The following YAE1 variants were observed in gnomAD, a reference collection of about 807,000 sequenced individuals.
YAE1 encodes protein YAE1 homolog.
In YAE1, 22 loss-of-function variants were observed where a neutral mutation model predicts 23.0. That is an observed-to-expected ratio of 0.96 (90% CI 0.68 to 1.37). The LOEUF is 1.37. Among genes scored for constraint, YAE1 ranks in the 40% most tolerant of loss-of-function variants. The pLI, the probability that YAE1 is intolerant of heterozygous loss-of-function variation, is 0.00. For missense variants in YAE1, 260 were observed against 262.1 expected, an observed-to-expected ratio of 0.99 and a Z score of 0.06; for synonymous variants, 101 against 97.0, an observed-to-expected ratio of 1.04 and a Z score of -0.24.
intron 2 of YAE1, among the ~76,000 whole-genome samples, chr7:39,604,746 C>G (rs1791104534): frequency 6.6e-6 from 1 of 152,060 alleles, no homozygotes; most frequent in African/African-American, 2.4e-5. Flanking sequence ...GTTGATTTTT[C>G]CCTAGTATAA....
At chr7:39,611,186 G>A (rs184008412), downstream of YAE1, among the ~76,000 whole-genome samples, 2 of 152,168 alleles carry the variant, frequency 1.3e-5, no homozygotes, top group East Asian at 3.9e-4. Flanking sequence ...CATTGGCTGT[G>A]GTTATGACAA....
intron 1 of YAE1, chr7:39,570,041 G>A: frequency 7.4e-7 from 1 of 1,354,058 alleles, no homozygotes. Flanking sequence ...GCACCACGGG[G>A]CATAAAATTG....
At chr7:39,570,836 C>T (rs1006176314) in intron 2 of YAE1, 1 of 519,384 alleles carries the variant, frequency 1.9e-6, no homozygotes, top group East Asian at 3.8e-5. Context: ...ATTGTCTTTT[C>T]GTGCAAAGAA....
chr7:39,608,769 C>T (rs1791164672), intron 2 of YAE1, among the ~76,000 whole-genome samples: 1 of 152,156 alleles, frequency 6.6e-6, no homozygotes, highest in African/African-American at 2.4e-5. Flanking sequence ...AAGGGATCCA[C>T]CAATGCTTTC....
At chr7:39,600,475 A>G (rs780452135) in intron 2 of YAE1, among the ~76,000 whole-genome samples, 2 of 151,926 alleles carry the variant, frequency 1.3e-5, no homozygotes, top group African/African-American at 2.4e-5. Context: ...TCAGCTCACC[A>G]CAACCTCCAC....
chr7:39,609,100 C>T (rs1791168848), intron 2 of YAE1, among the ~76,000 whole-genome samples: 1 of 152,196 alleles, frequency 6.6e-6, no homozygotes, highest in African/African-American at 2.4e-5. Context: ...TCCAGCCCGC[C>T]AGCCCCTTTA....
At chr7:39,583,835 T>TGTG (rs1205554259) in intron 2 of YAE1, among the ~76,000 whole-genome samples, 1 of 152,238 alleles carries the variant, frequency 6.6e-6, no homozygotes, top group East Asian at 1.9e-4. Context: ...TTCACTTTCC[T>TGTG]GTGCCTGTTT....
At chr7:39,569,974 ATCT>A (rs1425938342) in intron 1 of YAE1, 4 of 1,345,490 alleles carry the variant, frequency 3.0e-6, no homozygotes, top group Non-Finnish European at 4.3e-6. Context: ...TTAACCTCAG[ATCT>A]TCTCCCCATT....
At chr7:39,576,962 T>C (rs1790664146), downstream of YAE1, among the ~76,000 whole-genome samples, 1 of 152,196 alleles carries the variant, frequency 6.6e-6, no homozygotes, top group South Asian at 2.1e-4. Flanking sequence ...TGGCGCAATC[T>C]CGGCTCACTA....
At chr7:39,575,596 A>G (rs553705989), downstream of YAE1, among the ~76,000 whole-genome samples, 70 of 146,108 alleles carry the variant, frequency 4.8e-4, no homozygotes, top group Non-Finnish European at 7.4e-4. Flanking sequence ...GTGTGTGTGT[A>G]TAGAGAGTGA....
At chr7:39,587,020 T>TTCTTTTCTTTTCTTTC (rs144211272) in intron 2 of YAE1, among the ~76,000 whole-genome samples, 76 of 150,318 alleles carry the variant, frequency 5.1e-4, no homozygotes, top group South Asian at 1.7e-3. Context: ...TTCTTTTCTT[T>TTCTTTTCTTTTCTTTC]TCTTTCTCTT....
chr7:39,569,837 C>T, intron 1 of YAE1: 1 of 820,968 alleles, frequency 1.2e-6, no homozygotes, highest in Non-Finnish European at 2.2e-6. Flanking sequence ...TTATGAAGTC[C>T]TTCTGAGTCC....
intron 2 of YAE1, among the ~76,000 whole-genome samples, chr7:39,608,571 G>A (rs1287096685): frequency 6.6e-6 from 1 of 152,210 alleles, no homozygotes; most frequent in Non-Finnish European, 1.5e-5. Flanking sequence ...CACCCAACAA[G>A]TATTTACAGA....
In YAE1 at chr7:39,566,466, A is replaced by G; in HGVS notation, c.48A>G (p.Lys16=). The G allele has an allele frequency of 6.2e-7, 1 of 1,614,182 alleles. No individual in the cohort carries two copies. Among genetic ancestry groups the G allele is most frequent in the Admixed American group, 1.7e-5 (1 of 60,026 alleles). The part of the protein sequence containing the change: ...AASLIQGPGD[K]GDVFDEEADE... Reference sequence around the variant, plus strand: ...CCTTGATCCAGGGCCCTGGAGACAAAGGGGACGTGTTTGACGAAGAAGCAG... The same window carrying G: ...CCTTGATCCAGGGCCCTGGAGACAAGGGGGACGTGTTTGACGAAGAAGCAG... The change falls in exon 1 of 3, where the codon AAA becomes AAG. Residue 16 remains lysine, a synonymous_variant. Transcript: ENST00000223273.
chr7:39,611,893 C>G (rs1583690051), downstream of YAE1, among the ~76,000 whole-genome samples: 1 of 152,162 alleles, frequency 6.6e-6, no homozygotes, highest in Admixed American at 6.5e-5. Context: ...AATACCTTCC[C>G]AAATAAGGTA....
Position 39,572,740 on chromosome 7 carries a change from C to G in YAE1, c.*34C>G, listed in dbSNP as rs1790593828. The stretch of plus-strand genomic sequence containing the variant: ...TCCCTTTTCTAATGAAAATAATGTT[C>G]AGAACATTTGGTTTCCTAACAATCG... On this transcript the variant is annotated 3_prime_UTR_variant, in exon 3 of 3. Coordinates refer to ENST00000223273, the MANE Select transcript of YAE1 (RefSeq NM_020192.5). 1 of 1,533,038 alleles carries G rather than the reference C, an allele frequency of 6.5e-7. No homozygotes were observed. Among genetic ancestry groups the G allele is most frequent in the Non-Finnish European group, 8.7e-7 (1 of 1,146,082 alleles). The allele number at this position is 1,533,038 out of a possible 1,614,324, so 95.0% of individuals were successfully genotyped here.
chr7:39,580,915 C>T (rs1479330023), intron 2 of YAE1, among the ~76,000 whole-genome samples: 1 of 152,110 alleles, frequency 6.6e-6, no homozygotes, highest in Non-Finnish European at 1.5e-5. Flanking sequence ...TAAAAGTAAA[C>T]ACCTAGAACC....
At chr7:39,593,606 C>T (rs751973713) in intron 2 of YAE1, among the ~76,000 whole-genome samples, 12 of 152,092 alleles carry the variant, frequency 7.9e-5, no homozygotes, top group Admixed American at 4.6e-4. Flanking sequence ...ACTACAGTCA[C>T]GCACCACCAT....
chr7:39,595,722 T>A (rs1251807209), intron 2 of YAE1, among the ~76,000 whole-genome samples: 1 of 152,148 alleles, frequency 6.6e-6, no homozygotes, highest in Non-Finnish European at 1.5e-5. Context: ...CCAAGTACAA[T>A]GACTGGAGAT....
Sources: gnomAD v4.1 joint callset for allele counts (sites outside exome capture counted in the v4.1 genomes callset) on GRCh38, gnomAD v4.1.1 for gene constraint, MANE v1.5 for transcripts, NCBI Gene and HGNC (gene_info 2026-07-23, HGNC 2026-07-21) for gene names.